The following SULF2 variants were observed in gnomAD, a reference collection of about 807,000 sequenced individuals.
SULF2 encodes extracellular sulfatase Sulf-2.
In SULF2, 52 loss-of-function variants were observed where a neutral mutation model predicts 107.7. The ratio of observed to expected loss-of-function variants is 0.48; its 90% confidence interval spans 0.39 to 0.61. The LOEUF (loss-of-function observed/expected upper bound fraction) is 0.61, where lower values mean the gene tolerates loss of function less well. Among genes scored for constraint, SULF2 ranks in the 20% least tolerant of loss-of-function variants. SULF2 has a pLI of 0.00. For missense variants in SULF2, 993 were observed against 1,177.3 expected, an observed-to-expected ratio of 0.84 and a Z score of 2.29; for synonymous variants, 460 against 464.3, an observed-to-expected ratio of 0.99 and a Z score of 0.12.
chr20:47,717,743 G>T (rs2089167415), intron 3 of SULF2, among the ~76,000 whole-genome samples: 1 of 152,138 alleles, frequency 6.6e-6, no homozygotes, highest in Admixed American at 6.5e-5. Context: ...AAGCATAGGT[G>T]GGGGACACAG....
intron 6 of SULF2, 29 bp from the exon 7 acceptor site, chr20:47,683,198 AGT>A: frequency 6.4e-7 from 1 of 1,555,696 alleles, no homozygotes; most frequent in East Asian, 2.3e-5. Context: ...GGCAAGGGAC[AGT>A]GGGGACTGGG....
At chr20:47,780,185 G>T (rs4810687) in intron 1 of SULF2, among the ~76,000 whole-genome samples, 97,393 of 151,400 alleles carry the variant, frequency 0.64, 32,140 homozygotes, top group East Asian at 0.89. Context: ...CCTGGCTAAT[G>T]TTTGTATTTT....
intron 2 of SULF2, among the ~76,000 whole-genome samples, chr20:47,747,274 C>T (rs920634641): frequency 1.3e-5 from 2 of 152,118 alleles, no homozygotes; most frequent in African/African-American, 2.4e-5. Flanking sequence ...GGCTCCAAAT[C>T]GGTTCCTAAA....
intron 3 of SULF2, among the ~76,000 whole-genome samples, chr20:47,715,193 A>T (rs930685101): frequency 6.8e-6 from 1 of 147,832 alleles, no homozygotes; most frequent in Non-Finnish European, 1.5e-5. Context: ...GGCCTCTCTC[A>T]GTTCTGGGAT....
chr20:47,731,548 G>C (rs1330913711), intron 3 of SULF2, among the ~76,000 whole-genome samples: 1 of 152,058 alleles, frequency 6.6e-6, no homozygotes, highest in African/African-American at 2.4e-5. Context: ...CGGGGTTCCT[G>C]TCCGTTGGAT....
intron 3 of SULF2, among the ~76,000 whole-genome samples, chr20:47,728,046 G>C (rs1307966357): frequency 6.6e-6 from 1 of 152,174 alleles, no homozygotes. Context: ...CCCACAGTGG[G>C]GAAGGCTGGG....
At chr20:47,703,720 G>A (rs964473901) in intron 3 of SULF2, among the ~76,000 whole-genome samples, 2 of 152,178 alleles carry the variant, frequency 1.3e-5, no homozygotes, top group African/African-American at 4.8e-5. Context: ...AGACATGACA[G>A]CACATTTGTA....
At chr20:47,737,109 A>G (rs1389925788) in intron 2 of SULF2, among the ~76,000 whole-genome samples, 167 bp from the exon 3 acceptor site, 1 of 152,106 alleles carries the variant, frequency 6.6e-6, no homozygotes. Context: ...TGTCCTGCAT[A>G]ATCAGGAAGG....
At chr20:47,766,020 G>C (rs2090521543) in intron 1 of SULF2, among the ~76,000 whole-genome samples, 1 of 152,246 alleles carries the variant, frequency 6.6e-6, no homozygotes, top group African/African-American at 2.4e-5. Flanking sequence ...GGCCAGTGAA[G>C]AGGAGGGTGG....
In SULF2 at chr20:47,664,203, C is replaced by T. The variant is rs777855565; in HGVS notation, c.1998-14G>A. Reference sequence around the variant, plus strand: ...TGGGTGTGGTAGCTGTAACAGACCCCCCCAGCCCCAGGCTTCAGGAGTGGC... The same window carrying T: ...TGGGTGTGGTAGCTGTAACAGACCCTCCCAGCCCCAGGCTTCAGGAGTGGC... On this transcript the variant is annotated splice_polypyrimidine_tract_variant and intron_variant, in intron 14 of 20. Coordinates refer to ENST00000688720, the MANE Select transcript of SULF2 (RefSeq NM_001387048.1). 26 of 1,608,562 alleles carry T rather than the reference C, an allele frequency of 1.6e-5. No individual in the cohort carries two copies. Among genetic ancestry groups the T allele is most frequent in the Non-Finnish European group, 2.1e-5 (25 of 1,177,866 alleles).
chr20:47,750,601 G>A (rs903937283), intron 2 of SULF2, among the ~76,000 whole-genome samples: 1 of 152,158 alleles, frequency 6.6e-6, no homozygotes, highest in Non-Finnish European at 1.5e-5. Context: ...TTCTAGAGGG[G>A]TCCTATGAAG....
intron 1 of SULF2, among the ~76,000 whole-genome samples, chr20:47,772,901 A>ATC (rs11471480): frequency 0.18 from 27,688 of 151,886 alleles, 4,095 homozygotes; most frequent in African/African-American, 0.41. Context: ...GGAGAGAGAT[A>ATC]TGTTTGCAGT....
At chr20:47,663,399 G>C in intron 16 of SULF2, 54 bp downstream of exon 16, 1 of 1,599,894 alleles carries the variant, frequency 6.3e-7, no homozygotes, top group Non-Finnish European at 8.5e-7. Flanking sequence ...AAGTGGAGAA[G>C]TTTCTTGAAC....
At chr20:47,738,552 G>A (rs896384438) in intron 2 of SULF2, among the ~76,000 whole-genome samples, 1 of 152,160 alleles carries the variant, frequency 6.6e-6, no homozygotes, top group East Asian at 1.9e-4. Flanking sequence ...TATTTCCCAC[G>A]TGTTGTGAGA....
intron 17 of SULF2, 112 bp downstream of exon 17, chr20:47,662,958 G>T: frequency 8.1e-7 from 1 of 1,234,568 alleles, no homozygotes; most frequent in African/African-American, 1.5e-5. Context: ...CCGGCTCAGG[G>T]ACTCAGTGGG....
chr20:47,716,767 A>T (rs2089134700), intron 3 of SULF2, among the ~76,000 whole-genome samples: 1 of 152,170 alleles, frequency 6.6e-6, no homozygotes, highest in Admixed American at 6.5e-5. Flanking sequence ...AGGCCAAGGC[A>T]GGAGGATTGC....
At chr20:47,735,900 C>A (rs2089717890) in intron 3 of SULF2, among the ~76,000 whole-genome samples, 1 of 152,208 alleles carries the variant, frequency 6.6e-6, no homozygotes, top group Admixed American at 6.5e-5. Flanking sequence ...CCCAAACAAA[C>A]CCCTTGTCAC....
chr20:47,690,518 C>G (rs75790182), intron 4 of SULF2, among the ~76,000 whole-genome samples: 11,635 of 152,168 alleles, frequency 0.076, 479 homozygotes, highest in African/African-American at 0.11. Flanking sequence ...GCTAATTGGA[C>G]ATAAAGCAGA....
intron 17 of SULF2, among the ~76,000 whole-genome samples, chr20:47,662,322 G>A (rs2087104026): frequency 6.6e-6 from 1 of 152,168 alleles, no homozygotes; most frequent in Non-Finnish European, 1.5e-5. Flanking sequence ...TAGTCTGGGA[G>A]CTACCGGTGA....
Sources: allele counts gnomAD v4.1 joint callset (sites outside exome capture counted in the v4.1 genomes callset), GRCh38; gene constraint gnomAD v4.1.1; transcripts MANE v1.5; gene names NCBI Gene and HGNC (gene_info 2026-07-23, HGNC 2026-07-21).